The following NBPF9 variants were observed in gnomAD, a reference collection of about 807,000 sequenced individuals.
The protein encoded by NBPF9 is NBPF family member NBPF9.
A neutral mutation model predicts 97.8 loss-of-function variants in NBPF9; 91 were observed. The ratio of observed to expected loss-of-function variants is 0.93; its 90% CI spans 0.79 to 1.11. The LOEUF is 1.11. Ranked by LOEUF, NBPF9 falls within the 50% of genes least tolerant of loss-of-function variation. NBPF9 has a pLI of 0.00. For missense variants in NBPF9, 992 were observed against 939.5 expected, an observed-to-expected ratio of 1.06 and a Z score of -0.73; for synonymous variants, 334 against 359.5, an observed-to-expected ratio of 0.93 and a Z score of 0.80.
At chr1:149,084,210 T>A (rs1191077801) in intron 5 of NBPF9, among the ~76,000 whole-genome samples, 12 of 143,540 alleles carry the variant, frequency 8.4e-5, no homozygotes, top group African/African-American at 3.1e-4. Context: ...AAATGACGAG[T>A]TAATGGGTGC....
At chr1:149,079,588 T>C (rs4067662) in intron 8 of NBPF9, among the ~76,000 whole-genome samples, 2 of 144,204 alleles carry the variant, frequency 1.4e-5, no homozygotes, top group South Asian at 2.4e-4. Context: ...TACAAAGCCA[T>C]GTACAGAAAT....
chr1:149,093,088 A>G (rs1294846125), intron 4 of NBPF9, among the ~76,000 whole-genome samples: 1 of 151,600 alleles, frequency 6.6e-6, no homozygotes, highest in East Asian at 2.0e-4. Context: ...GGAGAGGGGG[A>G]TGTGGCAGGA....
intron 24 of NBPF9, chr1:149,060,322 A>T: frequency 2.4e-6 from 1 of 424,876 alleles, no homozygotes; most frequent in Admixed American, 4.0e-5. Context: ...GCCTGAGACT[A>T]GGAAGAGAGT....
intron 15 of NBPF9, 94 bp from the exon 16 acceptor site, chr1:149,071,233 G>C (rs2079384477): frequency 8.1e-7 from 1 of 1,234,722 alleles, no homozygotes; most frequent in South Asian, 1.3e-5. Context: ...GCGGCATTAA[G>C]AGAGTGGTCC....
intron 12 of NBPF9, among the ~76,000 whole-genome samples, chr1:149,075,368 A>T (rs1433336284): frequency 2.6e-5 from 4 of 152,236 alleles, no homozygotes; most frequent in African/African-American, 9.6e-5. Context: ...TCTTGAAAAC[A>T]CGATTGAGCC....
At chr1:149,073,649 C>T (rs368012358) in intron 13 of NBPF9, 119 bp downstream of exon 13, 2 of 771,588 alleles carry the variant, frequency 2.6e-6, no homozygotes, top group East Asian at 2.5e-5. Flanking sequence ...AGCGAGCCTG[C>T]CATGGCAATT....
chr1:149,071,133 C>A (rs782612158), exon 16 of NBPF9: 1 of 1,569,716 alleles, frequency 6.4e-7, no homozygotes, highest in Non-Finnish European at 8.8e-7. Context: ...CAGCCTTCTG[C>A]ATCTCCCTGA....
chr1:149,080,601 G>A (rs1450956609), intron 7 of NBPF9, among the ~76,000 whole-genome samples: 3 of 150,912 alleles, frequency 2.0e-5, no homozygotes, highest in Non-Finnish European at 4.4e-5. Flanking sequence ...AATATGTCAA[G>A]GACTTTAAAA....
chr1:149,068,044 G>A (rs2079143452), intron 17 of NBPF9, among the ~76,000 whole-genome samples: 2 of 146,398 alleles, frequency 1.4e-5, no homozygotes, highest in Non-Finnish European at 3.0e-5. Flanking sequence ...ATAAGTGAAG[G>A]AGAAATAAAT....
intron 5 of NBPF9, among the ~76,000 whole-genome samples, chr1:149,084,871 C>T (rs1265525542): frequency 6.6e-6 from 1 of 150,798 alleles, no homozygotes; most frequent in Non-Finnish European, 1.5e-5. Context: ...GTATGAAGAG[C>T]ATCGGTGGAG....
rs1482616158 is a variant in NBPF9, at chr1:149,071,453, C to T, written c.1379+151G>A. On this transcript the variant is annotated intron_variant, in intron 15 of 29. Coordinates refer to ENST00000584027, the Ensembl canonical transcript of NBPF9. ...ACACATAGAGAAACATGACAGCTGCCGCACCCTGTGTCTAAGCTGGGTTCA... is the reference window on the plus strand; with the variant it reads ...ACACATAGAGAAACATGACAGCTGCTGCACCCTGTGTCTAAGCTGGGTTCA... 1.7e-4 allele frequency: 179 copies of T among 1,050,330 alleles called. 1 individual carries two copies. The highest frequency in any genetic ancestry group is 1.4e-3 in the South Asian group (110 of 76,674). The allele number at this position is 1,050,330 out of a possible 1,614,324, so 65.1% of individuals were successfully genotyped here. A position where few individuals can be genotyped will look rare whatever the true frequency, so the allele number is the denominator to read the frequency against.
chr1:149,087,092 T>C (rs1323668713), intron 5 of NBPF9, among the ~76,000 whole-genome samples: 11 of 152,124 alleles, frequency 7.2e-5, no homozygotes, highest in African/African-American at 1.4e-4. Context: ...TGGTATCTCA[T>C]TGTTGCACTG....
chr1:149,062,289 G>T (rs1553650277), intron 21 of NBPF9, 24 bp from the exon 22 acceptor site: 1 of 647,142 alleles, frequency 1.5e-6, no homozygotes, highest in East Asian at 2.7e-5. Flanking sequence ...AAAAAGTAAA[G>T]AATAAGCCAG....
rs782040094 is a variant in NBPF9, at chr1:149,055,858, A to G, written c.3134T>C (p.Leu1045Ser). The G allele has an allele frequency of 5.6e-6, 9 of 1,607,840 alleles. 1 individual carries two copies. Among genetic ancestry groups the G allele is most frequent in the Non-Finnish European group, 7.6e-6 (9 of 1,179,108 alleles). ...ATAACATCCATCCAGTGAGTCCTGC[A>G]AGACTTCAGGCTCTTCCACTTCCAT... Residue 1045 changes from leucine to serine, a missense_variant, in exon 30 of 30, where the codon TTG (leucine) becomes TCG (serine). This residue lies in a region of NBPF9 where 397 missense variants were observed against 213.6 expected (regional missense o/e 1.86). Transcript: ENST00000584027.
chr1:149,096,099 C>G (rs587656861), intron 4 of NBPF9, among the ~76,000 whole-genome samples: 343 of 151,994 alleles, frequency 2.3e-3, no homozygotes, highest in African/African-American at 7.9e-3. Flanking sequence ...TAGAAAGAAG[C>G]CAGTCTGGAA....
rs1245649993 is a variant in NBPF9 at position 149,071,598 on chromosome 1, T to G, written c.1379+6A>C. ...CCATTAATTGTTCCTGAGTATTCAG[T>G]GTTACCTGGGGGCAGACGATTTCTG... On this transcript the variant is annotated splice_donor_region_variant and intron_variant, in intron 15 of 29. Transcript: ENST00000584027. 7 of 1,267,266 alleles carry G rather than the reference T, an allele frequency of 5.5e-6. No homozygotes were observed. The highest frequency in any genetic ancestry group is 5.2e-5 in the Admixed American group (3 of 57,362). 78.5% of individuals were successfully genotyped at this position (1,267,266 alleles called of 1,614,324 possible).
chr1:149,067,908 C>G (rs1488834553), intron 17 of NBPF9, among the ~76,000 whole-genome samples: 1 of 145,072 alleles, frequency 6.9e-6, no homozygotes, highest in Non-Finnish European at 1.5e-5. Context: ...AATCGTTGAA[C>G]TAGTTTACAG....
chr1:149,073,407 G>A (rs1373398696), intron 13 of NBPF9, among the ~76,000 whole-genome samples: 16 of 141,732 alleles, frequency 1.1e-4, no homozygotes, highest in Non-Finnish European at 1.7e-4. Context: ...ATGAGAAGCC[G>A]CAGTCAGTCA....
At chr1:149,072,827 C>T (rs782800707) in exon 14 of NBPF9, 2 of 1,599,464 alleles carry the variant, frequency 1.3e-6, no homozygotes, top group Non-Finnish European at 1.7e-6. Flanking sequence ...TGAGGAGGGC[C>T]TGGAGATGCT....
Sources: gnomAD v4.1 joint callset for allele counts (sites outside exome capture counted in the v4.1 genomes callset) on GRCh38, gnomAD v4.1.1 for gene constraint, gnomAD v4.1.1 regional missense constraint, MANE v1.5 for transcripts, NCBI Gene and HGNC (gene_info 2026-07-23, HGNC 2026-07-21) for gene names.